The following SEMA5A variants were observed in gnomAD, a reference collection of about 807,000 sequenced individuals.
SEMA5A encodes the protein semaphorin 5A, also known as semaphorin-5A.
Under a neutral mutation model 135.5 loss-of-function variants are expected in SEMA5A, and 55 were observed. That is an observed-to-expected ratio of 0.41 (90% CI 0.33 to 0.51). The LOEUF (loss-of-function observed/expected upper bound fraction) is 0.51. Ranked by LOEUF, SEMA5A falls within the 20% of genes least tolerant of loss-of-function variation. The probability of loss-of-function intolerance (pLI) is 0.37; values close to 1 mark genes in which losing one functional copy is unlikely to be tolerated. For missense variants in SEMA5A, 1,290 were observed against 1,419.9 expected, an observed-to-expected ratio of 0.91 and a Z score of 1.47; for synonymous variants, 580 against 546.5, an observed-to-expected ratio of 1.06 and a Z score of -0.85.
chr5:9,442,856 G>T (rs1758290065), intron 1 of SEMA5A, among the ~76,000 whole-genome samples: 1 of 152,168 alleles, frequency 6.6e-6, no homozygotes, highest in African/African-American at 2.4e-5. Context: ...ACTGAGGAAT[G>T]AATGTTCTTG....
In SEMA5A at chr5:9,498,710, G is replaced by A. The variant is rs1024512477; in HGVS notation, c.-175+46874C>T. On this transcript the variant is annotated intron_variant, in intron 1 of 22. Coordinates refer to ENST00000382496, the MANE Select transcript of SEMA5A (RefSeq NM_003966.3). The stretch of plus-strand genomic sequence containing the variant: ...GGAGTCGTTTGTTTCCCATGAGCAC[G>A]TTGTCTAAGTACTACGATAACCAAC... 4.7e-5 allele frequency: 7 copies of A among 149,372 alleles called. 1 individual carries two copies. Among genetic ancestry groups the A allele is most frequent in the African/African-American group, 1.5e-4 (6 of 40,870 alleles). The allele number at this position is 149,372 out of a possible 1,614,324, so 9.3% of individuals were successfully genotyped here.
chr5:9,525,883 A>C (rs769734424), intron 1 of SEMA5A, among the ~76,000 whole-genome samples: 17 of 152,232 alleles, frequency 1.1e-4, no homozygotes, highest in Non-Finnish European at 1.8e-4. Flanking sequence ...ATAGATGTGA[A>C]ATAATTGAGT....
chr5:9,483,297 C>T (rs892525211), intron 1 of SEMA5A, among the ~76,000 whole-genome samples: 11 of 152,224 alleles, frequency 7.2e-5, no homozygotes, highest in Admixed American at 7.2e-4. Context: ...CTTACCCCCT[C>T]TCCCTCACTC....
chr5:9,055,124 T>C (rs1196289734), intron 18 of SEMA5A, among the ~76,000 whole-genome samples: 1 of 152,172 alleles, frequency 6.6e-6, no homozygotes, highest in African/African-American at 2.4e-5. Flanking sequence ...TCTGGGAGAC[T>C]TTAAGAGTCA....
rs564479344 is a variant in SEMA5A, at chr5:9,108,136, T to A, written c.2073+4A>T. On this transcript the variant is annotated splice_donor_region_variant and intron_variant, in intron 16 of 22. Transcript: ENST00000382496. Reference sequence around the variant, plus strand: ...GGGCTGGGTGTGAGAAGAAGGCTACTCACCACATTGCAGCCTGCACAGTCA... The same window carrying A: ...GGGCTGGGTGTGAGAAGAAGGCTACACACCACATTGCAGCCTGCACAGTCA... 1 of 1,613,522 alleles carries A rather than the reference T, an allele frequency of 6.2e-7. No individual in the cohort carries two copies. Among genetic ancestry groups the A allele is most frequent in the Non-Finnish European group, 8.5e-7 (1 of 1,179,652 alleles).
rs1356423129 is a variant in SEMA5A at position 9,040,374 on chromosome 5, G to A, written c.*2523C>T. ...GAAGGAGTTTCCAAGACAGGTGAGA[G>A]ATCACACTGTGAAAGTCCAACATGT... is the stretch of plus-strand genomic sequence containing the variant. On this transcript the variant is annotated 3_prime_UTR_variant, in exon 23 of 23. Transcript: ENST00000382496. 1.3e-5 allele frequency: 2 copies of A among 152,250 alleles called. No individual in the cohort carries two copies. Among genetic ancestry groups the A allele is most frequent in the African/African-American group, 4.8e-5 (2 of 41,468 alleles). The allele number at this position is 152,250 out of a possible 1,614,324, so 9.4% of individuals were successfully genotyped here. A position where few individuals can be genotyped will look rare whatever the true frequency, so the allele number is the denominator to read the frequency against.
At position 9,136,636 on chromosome 5, in the gene SEMA5A, C is replaced by A. The variant is rs538664078; in HGVS notation, c.1482-15G>T. ...CAATGCAGGTGCTGGAAACACACACCAAATGGTCAACAGAAAGGTCGCTTT... is the reference window on the plus strand; with the variant it reads ...CAATGCAGGTGCTGGAAACACACACAAAATGGTCAACAGAAAGGTCGCTTT... On this transcript the variant is annotated splice_polypyrimidine_tract_variant and intron_variant, in intron 12 of 22. Coordinates refer to ENST00000382496, the MANE Select transcript of SEMA5A (RefSeq NM_003966.3). 6.3e-7 allele frequency: 1 copy of A among 1,599,936 alleles called. No individual in the cohort carries two copies. The highest frequency in any genetic ancestry group is 2.2e-5 in the East Asian group (1 of 44,804).
chr5:9,282,580 C>T (rs542408275), intron 5 of SEMA5A, among the ~76,000 whole-genome samples: 1 of 152,096 alleles, frequency 6.6e-6, no homozygotes, highest in Non-Finnish European at 1.5e-5. Context: ...TACCTAAATC[C>T]TAAATACTTT....
chr5:9,522,623 T>A (rs1215002771), intron 1 of SEMA5A: 1 of 152,146 alleles, frequency 6.6e-6, no homozygotes, highest in Non-Finnish European at 1.5e-5. Flanking sequence ...GTATGTCTCT[T>A]TACTCTCCTG....
intron 8 of SEMA5A, among the ~76,000 whole-genome samples, chr5:9,212,246 T>C (rs567252569): frequency 6.6e-6 from 1 of 152,352 alleles, no homozygotes; most frequent in Admixed American, 6.5e-5. Context: ...TGATTGCCAG[T>C]TTCTTGAAGG....
chr5:9,504,737 G>C (rs1328520392), intron 1 of SEMA5A, among the ~76,000 whole-genome samples: 1 of 152,244 alleles, frequency 6.6e-6, no homozygotes, highest in Non-Finnish European at 1.5e-5. Context: ...CAAAGAAGGA[G>C]CTGGGAGCCA....
At chr5:9,193,291 C>T (rs1254774777) in intron 10 of SEMA5A, among the ~76,000 whole-genome samples, 1 of 152,094 alleles carries the variant, frequency 6.6e-6, no homozygotes, top group Non-Finnish European at 1.5e-5. Flanking sequence ...CACTGTGTGA[C>T]TCCCTGGGTT....
At chr5:9,171,176 T>A (rs932003157) in intron 11 of SEMA5A, among the ~76,000 whole-genome samples, 1 of 152,018 alleles carries the variant, frequency 6.6e-6, no homozygotes, top group Admixed American at 6.6e-5. Flanking sequence ...AATTCTGTCC[T>A]TTTTTTTCTT....
chr5:9,089,019 A>C lies in SEMA5A; in HGVS notation c.2073+19121T>G, dbSNP rs16881959. 9.2e-3 allele frequency among the ~76,000 whole-genome samples: 1,394 copies of C among 152,258 alleles called. 21 individuals carry two copies. The highest frequency in any genetic ancestry group is 0.029 in the African/African-American group (1,212 of 41,542). The stretch of plus-strand genomic sequence containing the variant: ...TTCTGTTCTCCTAAATTTACCTGAA[A>C]ACACTACTCCTTCTTTGTGCTACCA... On this transcript the variant is annotated intron_variant, in intron 16 of 22. Coordinates refer to ENST00000382496, the MANE Select transcript of SEMA5A (RefSeq NM_003966.3).
intron 5 of SEMA5A, among the ~76,000 whole-genome samples, chr5:9,278,406 C>G (rs1310703793): frequency 6.6e-6 from 1 of 152,088 alleles, no homozygotes; most frequent in Non-Finnish European, 1.5e-5. Context: ...AAAAGGAAAG[C>G]AAAGCATAAA....
At chr5:9,227,048 G>T in intron 6 of SEMA5A, 81 bp from the exon 7 acceptor site, 1 of 623,930 alleles carries the variant, frequency 1.6e-6, no homozygotes, top group Non-Finnish European at 2.3e-6. Flanking sequence ...CTGAGCACAA[G>T]AAGAATGGTG....
At chr5:9,316,268 C>T (rs1020613028) in intron 5 of SEMA5A, among the ~76,000 whole-genome samples, 2 of 152,118 alleles carry the variant, frequency 1.3e-5, no homozygotes, top group Admixed American at 1.3e-4. Flanking sequence ...ACAAGCTCTT[C>T]CAGTCTTATC....
rs575437887 is a variant in SEMA5A at position 9,348,468 on chromosome 5, G to C, written c.125-10656C>G. Among the ~76,000 whole-genome samples, 20 of 152,216 alleles carry C rather than the reference G, an allele frequency of 1.3e-4. No homozygotes were observed. The East Asian group carries it at 3.5e-3, about 26-fold the overall frequency. ...CTTCAGGCTATGAAGTTGGTGCCCA[G>C]CCTGCCCCTCCCTTCAACTTTACGT... On this transcript the variant is annotated intron_variant, in intron 3 of 22. Coordinates refer to ENST00000382496, the MANE Select transcript of SEMA5A (RefSeq NM_003966.3).
chr5:9,404,354 T>C (rs1756792208), intron 2 of SEMA5A, among the ~76,000 whole-genome samples: 1 of 152,208 alleles, frequency 6.6e-6, no homozygotes, highest in Admixed American at 6.5e-5. Flanking sequence ...CTGCCTGCCA[T>C]GAAGTTAGAT....
Sources: allele counts gnomAD v4.1 joint callset (sites outside exome capture counted in the v4.1 genomes callset), GRCh38; gene constraint gnomAD v4.1.1; transcripts MANE v1.5; gene names NCBI Gene and HGNC (gene_info 2026-07-23, HGNC 2026-07-21).